Variants in CEACAM3 observed in about 807,000 individuals in gnomAD.
CEACAM3 encodes CEA cell adhesion molecule 3, also known as cell adhesion molecule CEACAM3.
In CEACAM3, 32 loss-of-function variants were observed where a neutral mutation model predicts 30.1. The ratio of observed to expected loss-of-function variants is 1.06; its 90% CI spans 0.80 to 1.43. The LOEUF is 1.43. Ranked by LOEUF, CEACAM3 falls within the 40% of genes most tolerant of loss-of-function variation. The pLI, the probability that CEACAM3 is intolerant of heterozygous loss-of-function variation, is 0.00. For synonymous variants in CEACAM3, 134 were observed against 127.2 expected (o/e 1.05, Z -0.36); for missense variants, 290 against 316.3 (o/e 0.92, Z 0.63).
intron 1 of CEACAM3, chr19:41,797,338 C>A: frequency 2.0e-6 from 1 of 499,174 alleles, no homozygotes; most frequent in Non-Finnish European, 3.5e-6. Context: ...CAAGGATGCC[C>A]TGATGTGAGC....
intron 2 of CEACAM3, among the ~76,000 whole-genome samples, chr19:41,803,369 G>C (rs2073167185): frequency 6.6e-6 from 1 of 151,562 alleles, no homozygotes; most frequent in Admixed American, 6.6e-5. Context: ...AGAATCTCTA[G>C]CTTGAGGGTG....
At chr19:41,811,129 T>G in intron 6 of CEACAM3, 43 bp from the exon 7 acceptor site, 1 of 1,602,006 alleles carries the variant, frequency 6.2e-7, no homozygotes, top group Non-Finnish European at 8.6e-7. Context: ...CACCCTGTTC[T>G]GAGGAGACTA....
At position 41,807,471 on chromosome 19, in the gene CEACAM3, C is replaced by G. The variant is rs1049473037; in HGVS notation, c.425-1342C>G. 8 of 1,370,130 alleles carry G rather than the reference C, an allele frequency of 5.8e-6. No individual in the cohort carries two copies. The African/African-American group carries it at 1.0e-4, about 18-fold the overall frequency. The allele number at this position is 1,370,130 out of a possible 1,614,324, so 84.9% of individuals were successfully genotyped here. Reference sequence around the variant, plus strand: ...CCAGGCCTCTCAGTCCCTCTCAAGTCCAGGGACTCAGACTCTCACCCAGGC... The same window carrying G: ...CCAGGCCTCTCAGTCCCTCTCAAGTGCAGGGACTCAGACTCTCACCCAGGC... On this transcript the variant is annotated intron_variant, in intron 2 of 6. Coordinates refer to ENST00000357396, the MANE Select transcript of CEACAM3 (RefSeq NM_001815.5).
At chr19:41,803,541 A>G (rs1555826298) in intron 2 of CEACAM3, among the ~76,000 whole-genome samples, 1 of 149,402 alleles carries the variant, frequency 6.7e-6, no homozygotes, top group African/African-American at 2.5e-5. Flanking sequence ...ATCTCAGCTC[A>G]CTGCAAGCTC....
At chr19:41,801,923 C>T (rs1321582241) in intron 2 of CEACAM3, among the ~76,000 whole-genome samples, 1 of 152,194 alleles carries the variant, frequency 6.6e-6, no homozygotes, top group African/African-American at 2.4e-5. Flanking sequence ...TTTACAAAGG[C>T]AATCCCTGAC....
chr19:41,806,988 T>C (rs1335136631), intron 2 of CEACAM3: 4 of 1,526,640 alleles, frequency 2.6e-6, no homozygotes, highest in Non-Finnish European at 3.5e-6. Context: ...CACCCGGCCT[T>C]GTCTTGGTCT....
At chr19:41,810,457 C>A in intron 5 of CEACAM3, 103 bp downstream of exon 5, 1 of 1,311,650 alleles carries the variant, frequency 7.6e-7, no homozygotes, top group Non-Finnish European at 1.1e-6. Context: ...CCCACCTTCC[C>A]CCAAAACACA....
chr19:41,810,447 C>A (rs1191515662), intron 5 of CEACAM3, 93 bp downstream of exon 5: 3 of 1,339,996 alleles, frequency 2.2e-6, no homozygotes, highest in African/African-American at 1.5e-5. Context: ...ACAGAACAGA[C>A]CCACCTTCCC....
chr19:41,808,964 C>T (rs375765015), intron 3 of CEACAM3, 34 bp downstream of exon 3: 5 of 1,444,220 alleles, frequency 3.5e-6, no homozygotes, highest in Non-Finnish European at 3.8e-6. Context: ...TCTCCCACCC[C>T]CTAGGCTGAC....
intron 2 of CEACAM3, among the ~76,000 whole-genome samples, chr19:41,798,804 T>C (rs1335601881): frequency 6.6e-6 from 1 of 152,202 alleles, no homozygotes; most frequent in Non-Finnish European, 1.5e-5. Flanking sequence ...TGTAAATATT[T>C]TGAGATTAAT....
At chr19:41,807,665 G>T in intron 2 of CEACAM3, 1 of 1,166,252 alleles carries the variant, frequency 8.6e-7, no homozygotes, top group Non-Finnish European at 1.1e-6. Flanking sequence ...GTTTCGTTAG[G>T]ACTTCAAGGT....
rs190819376 is a variant in CEACAM3 at position 41,811,198 on chromosome 19, T to G, written c.720T>G (p.Ile240Met). The change falls in exon 7 of 7, where the codon ATT becomes ATG. Residue 240 changes from isoleucine (I) to methionine (M), a missense_variant. Ile to Met is a conservative substitution (Grantham distance 10, BLOSUM62 1). Coordinates refer to ENST00000357396, the MANE Select transcript of CEACAM3 (RefSeq NM_001815.5). Reference sequence around the variant, plus strand: ...AATTGCTAAAACATGACACAAACATTTACTGCCGGATGGACCACAAAGCAG... The same window carrying G: ...AATTGCTAAAACATGACACAAACATGTACTGCCGGATGGACCACAAAGCAG... ...YEELLKHDTN[I>M]YCRMDHKAEV... is the part of the protein sequence containing the mutation. 1.5e-5 allele frequency: 24 copies of G among 1,613,968 alleles called. No homozygotes were observed. In the Admixed American group the frequency reaches 3.0e-4, roughly 20 times the overall value.
At chr19:41,810,699 C>T in intron 5 of CEACAM3, 133 bp from the exon 6 acceptor site, 1 of 855,298 alleles carries the variant, frequency 1.2e-6, no homozygotes, top group South Asian at 1.4e-5. Flanking sequence ...CACTGGGAGG[C>T]TGAGCTCAGG....
At chr19:41,802,471 G>T (rs2073158553) in intron 2 of CEACAM3, among the ~76,000 whole-genome samples, 1 of 152,160 alleles carries the variant, frequency 6.6e-6, no homozygotes. Flanking sequence ...AGAAGCCCAG[G>T]GACAGAAACC....
At position 41,808,857 on chromosome 19, in the gene CEACAM3, G is replaced by T; in HGVS notation, c.469G>T (p.Val157Leu). The part of the protein sequence containing the change: ...GLPVGAVAGI[V>L]TGVLVGVALV... Reference sequence around the variant, plus strand: ...TCCTGTGGGGGCCGTCGCCGGCATCGTGACCGGGGTCCTGGTCGGAGTGGC... The same window carrying T: ...TCCTGTGGGGGCCGTCGCCGGCATCTTGACCGGGGTCCTGGTCGGAGTGGC... Residue 157 changes from valine to leucine, a missense_variant, in exon 3 of 7, where the codon GTG becomes TTG. Transcript: ENST00000357396. 1 of 1,611,160 alleles carries T rather than the reference G, an allele frequency of 6.2e-7. No individual in the cohort carries two copies.
chr19:41,806,520 G>T (rs1555826794), intron 2 of CEACAM3, among the ~76,000 whole-genome samples: 1 of 152,312 alleles, frequency 6.6e-6, no homozygotes, highest in East Asian at 1.9e-4. Context: ...TCCTGGTCCT[G>T]TGTCTGTCCA....
At chr19:41,804,180 G>C (rs2073180214) in intron 2 of CEACAM3, among the ~76,000 whole-genome samples, 1 of 152,106 alleles carries the variant, frequency 6.6e-6, no homozygotes. Context: ...TTTTCTAAAA[G>C]CTGTAACATA....
chr19:41,805,193 C>T (rs1038948975), intron 2 of CEACAM3, among the ~76,000 whole-genome samples: 4 of 152,028 alleles, frequency 2.6e-5, no homozygotes, highest in African/African-American at 9.7e-5. Context: ...TCTAGAACCT[C>T]CATATTTTGC....
At chr19:41,802,843 A>G (rs1555826160) in intron 2 of CEACAM3, among the ~76,000 whole-genome samples, 1 of 152,122 alleles carries the variant, frequency 6.6e-6, no homozygotes, top group East Asian at 1.9e-4. Context: ...TAAATGTCCA[A>G]CTCCAGCCCC....
Sources: gnomAD v4.1 joint callset for allele counts (sites outside exome capture counted in the v4.1 genomes callset) on GRCh38, gnomAD v4.1.1 for gene constraint, MANE v1.5 for transcripts, NCBI Gene and HGNC (gene_info 2026-07-23, HGNC 2026-07-21) for gene names.